Variants in PTPRD observed in about 807,000 individuals in gnomAD.
The protein encoded by PTPRD is receptor-type tyrosine-protein phosphatase delta.
In PTPRD, 34 loss-of-function variants were observed where a neutral mutation model predicts 214.5. That is an observed-to-expected ratio of 0.16 (90% CI 0.12 to 0.21). The LOEUF is 0.21. PTPRD is among the 10% of genes least tolerant of loss of function. The pLI is 1.00. For missense variants in PTPRD, 2,545 were observed against 2,398.7 expected, an observed-to-expected ratio of 1.06 and a Z score of -1.27; for synonymous variants, 1,128 against 845.7, an observed-to-expected ratio of 1.33 and a Z score of -5.79.
chr9:9,970,434 A>T (rs189790116), intron 4 of PTPRD, among the ~76,000 whole-genome samples: 1,549 of 138,734 alleles, frequency 0.011, 16 homozygotes, highest in Non-Finnish European at 0.014. Context: ...CTTCTCAAAA[A>T]AAAAAAAAAG....
intron 3 of PTPRD, among the ~76,000 whole-genome samples, chr9:10,179,400 A>G (rs2099268677): frequency 6.6e-6 from 1 of 152,060 alleles, no homozygotes; most frequent in Non-Finnish European, 1.5e-5. Flanking sequence ...TAAGATATGG[A>G]AACAAGGTGA....
At chr9:10,120,929 G>A (rs551545792) in intron 3 of PTPRD, among the ~76,000 whole-genome samples, 80 of 152,052 alleles carry the variant, frequency 5.3e-4, no homozygotes, top group Non-Finnish European at 7.5e-4. Context: ...CAAAGCTCAC[G>A]TAGACATTGA....
At chr9:9,956,991 T>C (rs2093979472) in intron 4 of PTPRD, among the ~76,000 whole-genome samples, 1 of 152,170 alleles carries the variant, frequency 6.6e-6, no homozygotes. Context: ...GGTCAGAACC[T>C]AACAAGAGAA....
At chr9:9,967,830 T>A (rs188418142) in intron 4 of PTPRD, among the ~76,000 whole-genome samples, 12 of 152,320 alleles carry the variant, frequency 7.9e-5, no homozygotes. Flanking sequence ...AAAATCCTTT[T>A]AAGCATACCA....
At chr9:8,846,793 G>A (rs183969258) in intron 11 of PTPRD, among the ~76,000 whole-genome samples, 1 of 152,292 alleles carries the variant, frequency 6.6e-6, no homozygotes, top group East Asian at 1.9e-4. Context: ...AGACAAAGCA[G>A]AGGAAAGGAC....
chr9:9,682,511 A>G (rs1039978710), intron 7 of PTPRD, among the ~76,000 whole-genome samples: 3 of 151,624 alleles, frequency 2.0e-5, no homozygotes, highest in South Asian at 2.1e-4. Flanking sequence ...GGGTAGATCA[A>G]TGCAAGTGAT....
chr9:8,704,020 T>C (rs1770304471), intron 12 of PTPRD, among the ~76,000 whole-genome samples: 1 of 152,204 alleles, frequency 6.6e-6, no homozygotes, highest in African/African-American at 2.4e-5. Flanking sequence ...CCTCAATATA[T>C]GAGGAAATAA....
chr9:9,350,992 G>A (rs1261919754), intron 9 of PTPRD, among the ~76,000 whole-genome samples: 1 of 151,942 alleles, frequency 6.6e-6, no homozygotes, highest in African/African-American at 2.4e-5. Flanking sequence ...ATTTTAGATT[G>A]CTAAAGAATT....
intron 6 of PTPRD, among the ~76,000 whole-genome samples, chr9:9,737,350 C>G (rs894422732): frequency 6.6e-6 from 1 of 152,012 alleles, no homozygotes; most frequent in Non-Finnish European, 1.5e-5. Flanking sequence ...TGACTTTTTA[C>G]TATATTGATA....
intron 5 of PTPRD, among the ~76,000 whole-genome samples, chr9:9,913,991 G>A (rs1427014384): frequency 1.3e-5 from 2 of 152,186 alleles, no homozygotes; most frequent in Non-Finnish European, 2.9e-5. Context: ...CCCCAGCTAT[G>A]TGGACTCTGG....
At chr9:10,461,546 TA>T (rs776924329) in intron 2 of PTPRD, among the ~76,000 whole-genome samples, 2 of 151,932 alleles carry the variant, frequency 1.3e-5, no homozygotes, top group Non-Finnish European at 2.9e-5. Flanking sequence ...TGAATGGACC[TA>T]GAGGATACTA....
intron 34 of PTPRD, among the ~76,000 whole-genome samples, chr9:8,447,246 C>T (rs1399135110): frequency 1.3e-5 from 2 of 152,122 alleles, no homozygotes; most frequent in African/African-American, 4.8e-5. Context: ...CAGCTCCTCT[C>T]TTATCTCATT....
intron 22 of PTPRD, 62 bp downstream of exon 22, chr9:8,507,239 A>C: frequency 1.3e-6 from 2 of 1,565,190 alleles, no homozygotes; most frequent in Non-Finnish European, 1.7e-6. Flanking sequence ...TAAATACACA[A>C]AAATAAAAAA....
intron 11 of PTPRD, among the ~76,000 whole-genome samples, chr9:8,922,434 C>T (rs17662529): frequency 0.13 from 19,975 of 152,236 alleles, 1,784 homozygotes; most frequent in Non-Finnish European, 0.2. Flanking sequence ...GTATCCCTTA[C>T]CTCCTACGAA....
intron 30 of PTPRD, among the ~76,000 whole-genome samples, chr9:8,480,377 C>T (rs1051678232): frequency 2.6e-5 from 4 of 152,106 alleles, no homozygotes; most frequent in Admixed American, 6.5e-5. Context: ...ACTAATAAGC[C>T]GGAGTTAGGA....
At chr9:10,263,143 T>A (rs2093808316) in intron 3 of PTPRD, among the ~76,000 whole-genome samples, 1 of 152,118 alleles carries the variant, frequency 6.6e-6, no homozygotes, top group African/African-American at 2.4e-5. Flanking sequence ...AATTACTCAG[T>A]CTCAGGTATG....
At chr9:10,289,714 C>T (rs778290477) in intron 3 of PTPRD, among the ~76,000 whole-genome samples, 4 of 152,096 alleles carry the variant, frequency 2.6e-5, no homozygotes, top group African/African-American at 4.8e-5. Flanking sequence ...GAAATCTTGC[C>T]ATATAATTTG....
intron 9 of PTPRD, among the ~76,000 whole-genome samples, chr9:9,262,182 C>G (rs959605839): frequency 2.6e-5 from 4 of 151,386 alleles, no homozygotes; most frequent in African/African-American, 7.3e-5. Flanking sequence ...AAAAATACTT[C>G]TTTTAAAAAT....
At chr9:8,593,457 C>T (rs1450949057) in intron 14 of PTPRD, among the ~76,000 whole-genome samples, 1 of 152,126 alleles carries the variant, frequency 6.6e-6, no homozygotes, top group African/African-American at 2.4e-5. Flanking sequence ...AAGTAAGAAA[C>T]AAGTTTCCAG....
Sources: allele counts gnomAD v4.1 joint callset (sites outside exome capture counted in the v4.1 genomes callset), GRCh38; gene constraint gnomAD v4.1.1; transcripts MANE v1.5; gene names NCBI Gene and HGNC (gene_info 2026-07-23, HGNC 2026-07-21).